The following ZFYVE9 variants were observed in gnomAD, a reference collection of about 807,000 sequenced individuals.
ZFYVE9 encodes the protein zinc finger FYVE domain-containing protein 9.
A neutral mutation model predicts 126.7 loss-of-function variants in ZFYVE9; 43 were observed. The ratio of observed to expected loss-of-function variants is 0.34; its 90% CI spans 0.27 to 0.44. The LOEUF is 0.44. Among genes scored for constraint, ZFYVE9 ranks in the 20% least tolerant of loss-of-function variants. ZFYVE9 has a pLI of 1.00. For synonymous variants in ZFYVE9, 521 were observed against 597.4 expected, an observed-to-expected ratio of 0.87 and a Z score of 1.87; for missense variants, 1,476 against 1,697.0, an observed-to-expected ratio of 0.87 and a Z score of 2.29.
intron 1 of ZFYVE9, among the ~76,000 whole-genome samples, chr1:52,161,962 A>G (rs7520155): frequency 0.073 from 11,115 of 151,974 alleles, 507 homozygotes; most frequent in African/African-American, 0.13. Context: ...TTTACGGAGT[A>G]TAACACTAGG....
At chr1:52,201,438 G>A (rs767606801) in intron 1 of ZFYVE9, among the ~76,000 whole-genome samples, 9 of 142,426 alleles carry the variant, frequency 6.3e-5, no homozygotes, top group East Asian at 2.1e-4. Flanking sequence ...GTGCAGTGGC[G>A]CAATCTCGGC....
chr1:52,266,914 C>A, intron 6 of ZFYVE9, 83 bp downstream of exon 6: 2 of 1,311,726 alleles, frequency 1.5e-6, no homozygotes, highest in Non-Finnish European at 2.0e-6. Flanking sequence ...CAGCACAAGT[C>A]TTAAAAAACA....
At chr1:52,300,663 A>G (rs186453469) in intron 12 of ZFYVE9, among the ~76,000 whole-genome samples, 2 of 150,138 alleles carry the variant, frequency 1.3e-5, no homozygotes, top group Admixed American at 6.7e-5. Context: ...ATTCCTTTGT[A>G]TAACTCTGTA....
Position 52,263,753 on chromosome 1 carries a change from T to TGGGGGGGGGGGGGGG in ZFYVE9, c.2179-20_2179-19insGGGGGGGGGGGGGGG. ...ATCCCAAGTAAATTTTGTGTGTTCT[T>TGGGGGGGGGGGGGGG]CCCCCCCCCCCCCCCACAGGTTTTC... On this transcript the variant is annotated intron_variant, in intron 4 of 18. Coordinates refer to ENST00000287727, the MANE Select transcript of ZFYVE9 (RefSeq NM_004799.4). 2.8e-6 allele frequency: 2 copies of TGGGGGGGGGGGGGGG among 713,084 alleles called. No individual in the cohort carries two copies. The highest frequency in any genetic ancestry group is 4.1e-6 in the Non-Finnish European group (2 of 490,706). 44.2% of individuals were successfully genotyped at this position (713,084 alleles called of 1,614,324 possible). A position where few individuals can be genotyped will look rare whatever the true frequency, so the allele number is the denominator to read the frequency against.
intron 7 of ZFYVE9, among the ~76,000 whole-genome samples, chr1:52,273,593 G>A (rs927596578): frequency 2.0e-5 from 3 of 152,056 alleles, no homozygotes; most frequent in African/African-American, 7.2e-5. Flanking sequence ...CACTTTGGGA[G>A]GCCGAGGTTG....
intron 1 of ZFYVE9, among the ~76,000 whole-genome samples, chr1:52,170,629 C>G (rs1479602236): frequency 6.6e-6 from 1 of 151,980 alleles, no homozygotes; most frequent in Non-Finnish European, 1.5e-5. Flanking sequence ...ATAAATTGTC[C>G]TCTTAGTACT....
At chr1:52,340,016 C>T (rs577715175) in intron 16 of ZFYVE9, 110 bp from the exon 17 acceptor site, 2 of 810,768 alleles carry the variant, frequency 2.5e-6, no homozygotes, top group South Asian at 1.4e-5. Context: ...GTGTGTTCAG[C>T]AGGGTACCCA....
At chr1:52,156,607 A>G (rs970064645) in intron 1 of ZFYVE9, among the ~76,000 whole-genome samples, 6 of 152,310 alleles carry the variant, frequency 3.9e-5, no homozygotes, top group African/African-American at 1.4e-4. Context: ...AATCCCATTT[A>G]TACATTGAGG....
intron 2 of ZFYVE9, among the ~76,000 whole-genome samples, chr1:52,225,459 G>T (rs965985226): frequency 6.6e-6 from 1 of 152,222 alleles, no homozygotes; most frequent in African/African-American, 2.4e-5. Context: ...GAAGGGTGCT[G>T]CTTATGCCTG....
Position 52,238,330 on chromosome 1 carries a change from G to A in ZFYVE9, c.913G>A (p.Gly305Arg). ...GKISSPRTDL[G>R]SPNSFSHMSE... is the part of the protein sequence containing the mutation. ...AATCAGCTCTCCTAGGACAGATCTA[G>A]GGAGTCCAAATTCCTTTTCCCACAT... The change falls in exon 4 of 19, where the codon GGG (glycine) becomes AGG (arginine). Residue 305 changes from glycine (G) to arginine (R), a missense_variant. Gly to Arg is a moderately radical substitution (Grantham distance 125). Coordinates refer to ENST00000287727, the MANE Select transcript of ZFYVE9 (RefSeq NM_004799.4). The A allele has an allele frequency of 6.2e-7, 1 of 1,613,616 alleles. No homozygotes were observed. Among genetic ancestry groups the A allele is most frequent in the South Asian group, 1.1e-5 (1 of 91,074 alleles).
intron 1 of ZFYVE9, among the ~76,000 whole-genome samples, chr1:52,156,013 G>C (rs1048008820): frequency 2.6e-5 from 4 of 152,122 alleles, no homozygotes; most frequent in Non-Finnish European, 4.4e-5. Flanking sequence ...GCCACCTCTT[G>C]CTCATCTTGC....
chr1:52,335,170 T>C (rs1646377589), intron 15 of ZFYVE9: 1 of 154,250 alleles, frequency 6.5e-6, no homozygotes, highest in Non-Finnish European at 1.4e-5. Context: ...ATGACACATA[T>C]GTTGACAAAA....
chr1:52,227,019 A>G (rs1378885373), intron 2 of ZFYVE9, among the ~76,000 whole-genome samples: 1 of 152,124 alleles, frequency 6.6e-6, no homozygotes, highest in African/African-American at 2.4e-5. Flanking sequence ...TTCCTTTCAG[A>G]AGGGGTAGAA....
intron 1 of ZFYVE9, among the ~76,000 whole-genome samples, chr1:52,196,804 AAAGAACATGATACTCTTGAGG>A (rs1167265343): frequency 2.0e-5 from 3 of 152,182 alleles, no homozygotes; most frequent in African/African-American, 7.2e-5. Flanking sequence ...CAGAGGTGGG[AAAGAACATGATACTCTTGAGG>A]AATAAGATGT....
At chr1:52,256,665 CTT>C (rs1392520155) in intron 4 of ZFYVE9, among the ~76,000 whole-genome samples, 1 of 152,216 alleles carries the variant, frequency 6.6e-6, no homozygotes, top group African/African-American at 2.4e-5. Context: ...GTAATGGACA[CTT>C]AAAATGACTC....
chr1:52,346,324 A>G lies in ZFYVE9; in HGVS notation c.*103A>G. The G allele has an allele frequency of 2.1e-6, 1 of 470,182 alleles. No individual in the cohort carries two copies. The highest frequency in any genetic ancestry group is 3.4e-6 in the Non-Finnish European group (1 of 291,104). 29.1% of individuals were successfully genotyped at this position (470,182 alleles called of 1,614,324 possible). ...GGAAGATTAAGCTTTTGTTAACACT[A>G]TTAATGGGGTGGGGAATAGGGTGGG... On this transcript the variant is annotated 3_prime_UTR_variant, in exon 19 of 19. Coordinates refer to ENST00000287727, the MANE Select transcript of ZFYVE9 (RefSeq NM_004799.4).
intron 12 of ZFYVE9, among the ~76,000 whole-genome samples, chr1:52,300,209 C>T (rs1646020267): frequency 1.3e-5 from 2 of 152,112 alleles, no homozygotes; most frequent in African/African-American, 4.8e-5. Context: ...TTGTTTTGGT[C>T]CCTTTTGTTG....
At chr1:52,180,509 A>G (rs1010057004) in intron 1 of ZFYVE9, 3 of 786,020 alleles carry the variant, frequency 3.8e-6, no homozygotes, top group Admixed American at 3.5e-5. Context: ...CCTCAGTGCA[A>G]TGCTCTGTCC....
intron 5 of ZFYVE9, among the ~76,000 whole-genome samples, chr1:52,265,319 A>G (rs1226099726): frequency 5.9e-5 from 9 of 152,038 alleles, no homozygotes; most frequent in Admixed American, 5.9e-4. Flanking sequence ...AGTGCTTTCA[A>G]AGGAACATAG....
Sources: allele counts gnomAD v4.1 joint callset (sites outside exome capture counted in the v4.1 genomes callset), GRCh38; gene constraint gnomAD v4.1.1; transcripts MANE v1.5; gene names NCBI Gene and HGNC (gene_info 2026-07-23, HGNC 2026-07-21).